The following GRIN1 variants were observed in gnomAD, a reference collection of about 807,000 sequenced individuals.
GRIN1 encodes glutamate ionotropic receptor NMDA type subunit 1.
A neutral mutation model predicts 103.0 loss-of-function variants in GRIN1; 38 were observed. That is an observed-to-expected ratio of 0.37 (90% confidence interval 0.28 to 0.48). GRIN1 has a LOEUF of 0.48. Ranked by LOEUF, GRIN1 falls within the 20% of genes least tolerant of loss-of-function variation. The probability of loss-of-function intolerance (pLI) is 0.98; values close to 1 mark genes in which losing one functional copy is unlikely to be tolerated. For missense variants in GRIN1, 577 were observed against 1,288.9 expected (o/e 0.45, Z 8.46); for synonymous variants, 544 against 532.7 (o/e 1.02, Z -0.29).
intron 18 of GRIN1, 44 bp from the exon 19 acceptor site, chr9:137,165,142 G>GCCA: frequency 7.2e-7 from 1 of 1,389,684 alleles, no homozygotes; most frequent in Non-Finnish European, 1.0e-6. Context: ...GGCAGGTGTG[G>GCCA]CCACCACCCT....
In GRIN1 at chr9:137,161,968, G is replaced by A; in HGVS notation, c.1512G>A (p.Glu504=). 6.4e-7 allele frequency: 1 copy of A among 1,565,812 alleles called. No homozygotes were observed. The highest frequency in any genetic ancestry group is 2.4e-5 in the East Asian group (1 of 42,080). Residue 504 remains glutamate (E), a synonymous_variant, in exon 11 of 20, where the codon GAG becomes GAA. Transcript: ENST00000371561. ...NKKEWNGMMG[E]LLSGQADMIV... Reference sequence around the variant, plus strand: ...AGGAGTGGAATGGGATGATGGGCGAGCTGCTCAGCGGGCAGGCAGACATGA... The same window carrying A: ...AGGAGTGGAATGGGATGATGGGCGAACTGCTCAGCGGGCAGGCAGACATGA...
intron 9 of GRIN1, 30 bp downstream of exon 9, chr9:137,161,227 G>T (rs753412150): frequency 1.2e-6 from 2 of 1,606,804 alleles, no homozygotes; most frequent in Non-Finnish European, 1.7e-6. Flanking sequence ...CGCGGGGCGC[G>T]GGGCAGGGCG....
intron 19 of GRIN1, chr9:137,165,499 C>T (rs1564366950): frequency 6.5e-6 from 4 of 611,046 alleles, no homozygotes; most frequent in African/African-American, 3.6e-5. Context: ...CCTGGGTCCT[C>T]GGCTTTCCCC....
chr9:137,158,314 A>C, intron 6 of GRIN1, 65 bp from the exon 7 acceptor site: 1 of 1,545,952 alleles, frequency 6.5e-7, no homozygotes, highest in Non-Finnish European at 8.9e-7. Context: ...CAGCAGGGGG[A>C]AGGAGCAGGG....
chr9:137,143,743 T>G (rs1832301967), intron 2 of GRIN1, among the ~76,000 whole-genome samples: 1 of 152,212 alleles, frequency 6.6e-6, no homozygotes, highest in Non-Finnish European at 1.5e-5. Context: ...GGGACATTTT[T>G]GCACCCCAAG....
chr9:137,144,113 AT>A, intron 2 of GRIN1, among the ~76,000 whole-genome samples: 1 of 152,172 alleles, frequency 6.6e-6, no homozygotes, highest in East Asian at 1.9e-4. Flanking sequence ...GTCATCAAGA[AT>A]TTCCTGAGCT....
In GRIN1 at chr9:137,146,196, C is replaced by T. The variant is rs1832519912; in HGVS notation, c.570+294C>T. Among the ~76,000 whole-genome samples, 1 of 152,140 alleles carries T rather than the reference C, an allele frequency of 6.6e-6. No homozygotes were observed. On this transcript the variant is annotated intron_variant, in intron 3 of 19. Coordinates refer to ENST00000371561, the MANE Select transcript of GRIN1 (RefSeq NM_007327.4). This position sits in a 1 kb window ranked among gnomAD's most constrained non-coding sequence, Gnocchi z 6.7. ...CCTCGTCCCCTCCTCCTGCCCATGC[C>T]CCTCGCTCCCTGGAGGCCCCAGCCG...
intron 6 of GRIN1, 122 bp from the exon 7 acceptor site, chr9:137,158,257 A>C: frequency 9.1e-7 from 1 of 1,103,420 alleles, no homozygotes; most frequent in South Asian, 1.3e-5. Flanking sequence ...CTCAGCCGGC[A>C]GGAGAAGGAG....
In GRIN1 at chr9:137,168,042, G is replaced by T. The variant is rs1833972452; in HGVS notation, c.*515G>T. The T allele has an allele frequency of 1.6e-6, 1 of 632,182 alleles. No homozygotes were observed. The highest frequency in any genetic ancestry group is 2.8e-6 in the Non-Finnish European group (1 of 353,938). The allele number at this position is 632,182 out of a possible 1,614,324, so 39.2% of individuals were successfully genotyped here. ...GCGGACCGGAGCGGCTGAGGACGGG[G>T]CAGAGCTGAGTCGGCTGGGCAGGGC... is the stretch of plus-strand genomic sequence containing the variant. On this transcript the variant is annotated 3_prime_UTR_variant, in exon 20 of 20. Transcript: ENST00000371561.
At position 137,156,947 on chromosome 9, in the gene GRIN1, A is replaced by C; in HGVS notation, c.878A>C (p.His293Pro). ...DAVGVVAQAV[H>P]ELLEKENITD... Reference sequence around the variant, plus strand: ...GTGGGCGTGGTGGCCCAGGCCGTGCACGAGCTCCTCGAGAAGGAGAACATC... The same window carrying C: ...GTGGGCGTGGTGGCCCAGGCCGTGCCCGAGCTCCTCGAGAAGGAGAACATC... The change falls in exon 6 of 20, where the codon CAC becomes CCC. Residue 293 changes from histidine to proline, a missense_variant. Around this residue, in one of 9 missense-constraint regions of GRIN1, gnomAD observed 308 missense variants for 553.6 expected, o/e 0.56. Transcript: ENST00000371561. 1 of 1,612,140 alleles carries C rather than the reference A, an allele frequency of 6.2e-7. No individual in the cohort carries two copies. Among genetic ancestry groups the C allele is most frequent in the Non-Finnish European group, 8.5e-7 (1 of 1,179,794 alleles).
In GRIN1 at chr9:137,156,747, C is replaced by T; in HGVS notation, c.750C>T (p.Gly250=). The part of the protein sequence containing the change: ...MTGSGYVWLV[G]EREISGNALR... ...GCTCCGGGTACGTGTGGCTGGTCGG[C>T]GAGCGCGAGATCTCGGGGAACGCCC... Residue 250 remains glycine (G), a synonymous_variant, in exon 5 of 20, where the codon GGC becomes GGT. Coordinates refer to ENST00000371561, the MANE Select transcript of GRIN1 (RefSeq NM_007327.4). 6.3e-7 allele frequency: 1 copy of T among 1,586,270 alleles called. No homozygotes were observed.
Position 137,165,509 on chromosome 9 carries a change from C to T in GRIN1, c.2700+213C>T, listed in dbSNP as rs1019947378. On this transcript the variant is annotated intron_variant, in intron 19 of 19. Coordinates refer to ENST00000371561, the MANE Select transcript of GRIN1 (RefSeq NM_007327.4). The stretch of plus-strand genomic sequence containing the variant: ...GCCCTCCTGGGTCCTCGGCTTTCCC[C>T]GTGTGTCTCCGTTAGTCTGCCCGCC... 1.1e-4 allele frequency: 63 copies of T among 595,764 alleles called. No individual in the cohort carries two copies. The East Asian group carries it at 1.1e-3, about 10-fold the overall frequency. The allele number at this position is 595,764 out of a possible 1,614,324, so 36.9% of individuals were successfully genotyped here.
At chr9:137,158,757 C>T (rs1056927796) in intron 8 of GRIN1, 53 bp downstream of exon 8, 2 of 1,298,834 alleles carry the variant, frequency 1.5e-6, no homozygotes, top group Non-Finnish European at 2.2e-6. Flanking sequence ...AGCCCATCCA[C>T]CCCCTCTGGC....
At chr9:137,156,245 C>G (rs576619667) in intron 4 of GRIN1, among the ~76,000 whole-genome samples, 21 of 152,226 alleles carry the variant, frequency 1.4e-4, no homozygotes, top group Non-Finnish European at 2.9e-4. Flanking sequence ...GGGACCCCAT[C>G]AGAGCCTTCT....
chr9:137,141,257 G>A (rs1832148449), intron 1 of GRIN1, among the ~76,000 whole-genome samples: 1 of 152,198 alleles, frequency 6.6e-6, no homozygotes, highest in Non-Finnish European at 1.5e-5. Flanking sequence ...GCAGGTCCTT[G>A]CTGTGTGAAG....
At chr9:137,157,607 G>A (rs1436242010) in intron 6 of GRIN1, among the ~76,000 whole-genome samples, 4 of 152,172 alleles carry the variant, frequency 2.6e-5, no homozygotes, top group South Asian at 2.1e-4. Flanking sequence ...AACAGCACAC[G>A]AGCCTTAGAC....
intron 4 of GRIN1, among the ~76,000 whole-genome samples, chr9:137,155,265 C>T (rs777025638): frequency 4.1e-4 from 62 of 152,254 alleles, no homozygotes; most frequent in Admixed American, 3.9e-4. Context: ...ACTTTGATAG[C>T]GGGCATGCTG....
chr9:137,149,594 C>T lies in GRIN1; in HGVS notation c.671+485C>T, dbSNP rs369400479. On this transcript the variant is annotated intron_variant, in intron 4 of 19. Transcript: ENST00000371561. The stretch of plus-strand genomic sequence containing the variant: ...CTTAGGGGGAAATCAGTTAGGTACC[C>T]GGGAAATCAAGCTGCTCTGGACAGG... Among the ~76,000 whole-genome samples the T allele has an allele frequency of 9.8e-5, 15 of 152,320 alleles. No individual in the cohort carries two copies. In the East Asian group the frequency reaches 1.2e-3, roughly 12 times the overall value.
chr9:137,163,521 C>T (rs766054727), intron 16 of GRIN1, 38 bp from the exon 17 acceptor site: 1 of 1,247,138 alleles, frequency 8.0e-7, no homozygotes, highest in Non-Finnish European at 1.2e-6. Context: ...CCGTCCTGGG[C>T]CCCGCCTCAC....
Sources: gnomAD v4.1 joint callset for allele counts (sites outside exome capture counted in the v4.1 genomes callset) on GRCh38, gnomAD v4.1.1 for gene constraint, gnomAD v4.1.1 regional missense constraint, Gnocchi (gnomAD v3.1) non-coding constraint, MANE v1.5 for transcripts, NCBI Gene and HGNC (gene_info 2026-07-23, HGNC 2026-07-21) for gene names.